Variants in SGCZ observed in about 807,000 individuals in gnomAD.
SGCZ encodes the protein sarcoglycan zeta.
Under a neutral mutation model 41.3 loss-of-function variants are expected in SGCZ, and 40 were observed. The ratio of observed to expected loss-of-function variants is 0.97; its 90% CI spans 0.75 to 1.26. The LOEUF (loss-of-function observed/expected upper bound fraction) is 1.26. Ranked by LOEUF, SGCZ falls within the 50% of genes most tolerant of loss-of-function variation. The probability of loss-of-function intolerance (pLI) is 0.00; values close to 1 mark genes in which losing one functional copy is unlikely to be tolerated. For synonymous variants in SGCZ, 206 were observed against 137.5 expected (o/e 1.50, Z -3.49); for missense variants, 552 against 369.8 (o/e 1.49, Z -4.04).
At chr8:14,394,134 G>GCCCC (rs142651514) in intron 2 of SGCZ, among the ~76,000 whole-genome samples, 5,826 of 128,678 alleles carry the variant, frequency 0.045, 407 homozygotes, top group African/African-American at 0.18. Flanking sequence ...CTGCCCTACC[G>GCCCC]CCCCCCACCT....
chr8:14,928,106 C>T lies in SGCZ; in HGVS notation c.39+309479G>A, dbSNP rs534301522. On this transcript the variant is annotated intron_variant, in intron 1 of 7. Transcript: ENST00000382080. ...CCTAACTGGCTTGTCACTCTGCCAT[C>T]CATGCTGTGTGAAAATATTTATCAA... is the stretch of plus-strand genomic sequence containing the variant. Among the ~76,000 whole-genome samples the T allele has an allele frequency of 3.3e-5, 5 of 152,240 alleles. No individual in the cohort carries two copies. The East Asian group carries it at 9.6e-4, about 29-fold the overall frequency.
At chr8:14,822,097 C>A (rs1013984270) in intron 1 of SGCZ, among the ~76,000 whole-genome samples, 1 of 151,872 alleles carries the variant, frequency 6.6e-6, no homozygotes, top group Non-Finnish European at 1.5e-5. Flanking sequence ...CACACACACA[C>A]ACACACACAC....
At chr8:14,470,228 T>C (rs1393118597) in intron 2 of SGCZ, among the ~76,000 whole-genome samples, 4 of 152,124 alleles carry the variant, frequency 2.6e-5, no homozygotes, top group Non-Finnish European at 5.9e-5. Flanking sequence ...TGCTAATTTT[T>C]GTGTAAGAAA....
At chr8:15,211,023 A>G (rs1038524024) in intron 1 of SGCZ, among the ~76,000 whole-genome samples, 1 of 97,662 alleles carries the variant, frequency 1.0e-5, no homozygotes, top group African/African-American at 3.2e-5. Context: ...ATATATAGAT[A>G]TATACATATA....
chr8:14,346,107 C>T (rs888455450), intron 2 of SGCZ, among the ~76,000 whole-genome samples: 1 of 151,918 alleles, frequency 6.6e-6, no homozygotes, highest in Non-Finnish European at 1.5e-5. Flanking sequence ...ATGTCAATAT[C>T]GGCTCTGTTA....
In SGCZ at chr8:15,140,581, A is replaced by C. The variant is rs535042461; in HGVS notation, c.39+97004T>G. Among the ~76,000 whole-genome samples, 4 of 152,270 alleles carry C rather than the reference A, an allele frequency of 2.6e-5. No homozygotes were observed. In the East Asian group the frequency reaches 7.7e-4, roughly 29 times the overall value. On this transcript the variant is annotated intron_variant, in intron 1 of 7. Transcript: ENST00000382080. ...AATAGTAATAATAATAATACCAACA[A>C]AAACCAAAAATGACCCATATTATTT... is the stretch of plus-strand genomic sequence containing the variant.
chr8:14,883,338 G>C (rs1804665188), intron 1 of SGCZ, among the ~76,000 whole-genome samples: 1 of 151,834 alleles, frequency 6.6e-6, no homozygotes, highest in Admixed American at 6.6e-5. Context: ...AAGACTGTTT[G>C]GTGTTACTCC....
chr8:14,649,166 C>G (rs903613987), intron 1 of SGCZ, among the ~76,000 whole-genome samples: 1 of 152,108 alleles, frequency 6.6e-6, no homozygotes, highest in African/African-American at 2.4e-5. Flanking sequence ...TTTCCAAGAA[C>G]TGAGAAGGAA....
intron 5 of SGCZ, among the ~76,000 whole-genome samples, chr8:14,118,607 T>G (rs1290133529): frequency 6.6e-6 from 1 of 152,202 alleles, no homozygotes; most frequent in Non-Finnish European, 1.5e-5. Context: ...TGCCATTGCT[T>G]TTGGTGTTTT....
At chr8:14,475,978 T>C (rs1201245482) in intron 2 of SGCZ, among the ~76,000 whole-genome samples, 1 of 138,992 alleles carries the variant, frequency 7.2e-6, no homozygotes, top group African/African-American at 2.9e-5. Flanking sequence ...TGCCTAGCTA[T>C]TTTTTTTTTT....
At chr8:14,522,584 T>C (rs1802822914) in intron 2 of SGCZ, among the ~76,000 whole-genome samples, 1 of 151,928 alleles carries the variant, frequency 6.6e-6, no homozygotes, top group African/African-American at 2.4e-5. Flanking sequence ...TCATTCCTTA[T>C]ATTGGAAACT....
chr8:14,969,383 TAAAC>T (rs1391363537), intron 1 of SGCZ, among the ~76,000 whole-genome samples: 1 of 152,116 alleles, frequency 6.6e-6, no homozygotes, highest in Admixed American at 6.6e-5. Context: ...GTAATTGATA[TAAAC>T]AAACAGCACA....
intron 2 of SGCZ, among the ~76,000 whole-genome samples, chr8:14,422,270 C>G (rs1212193389): frequency 6.6e-6 from 1 of 152,056 alleles, no homozygotes; most frequent in South Asian, 2.1e-4. Flanking sequence ...TAACTAACAG[C>G]AATACAAGGA....
chr8:14,203,550 T>C, intron 4 of SGCZ, among the ~76,000 whole-genome samples: 1 of 152,318 alleles, frequency 6.6e-6, no homozygotes, highest in South Asian at 2.1e-4. Context: ...ATTTCATCTT[T>C]TATATAATTT....
At chr8:14,975,318 A>G (rs1358680047) in intron 1 of SGCZ, among the ~76,000 whole-genome samples, 3 of 152,164 alleles carry the variant, frequency 2.0e-5, no homozygotes, top group Non-Finnish European at 4.4e-5. Flanking sequence ...AAGCAAAAAC[A>G]AAAACAAAAA....
At chr8:15,134,302 G>GAC (rs1224135523) in intron 1 of SGCZ, among the ~76,000 whole-genome samples, 1 of 94,718 alleles carries the variant, frequency 1.1e-5, no homozygotes, top group African/African-American at 3.0e-5. Flanking sequence ...GGAGCATTAG[G>GAC]TCTTTTTTTT....
At chr8:14,885,430 G>A (rs1041540831) in intron 1 of SGCZ, among the ~76,000 whole-genome samples, 5 of 152,060 alleles carry the variant, frequency 3.3e-5, no homozygotes, top group African/African-American at 7.2e-5. Flanking sequence ...ATCAATACAT[G>A]CTGCTATGCA....
intron 2 of SGCZ, among the ~76,000 whole-genome samples, chr8:14,489,182 A>G (rs1290144149): frequency 6.6e-6 from 1 of 152,090 alleles, no homozygotes; most frequent in African/African-American, 2.4e-5. Context: ...AATTAGTTTA[A>G]CAAGGCTGTT....
intron 1 of SGCZ, among the ~76,000 whole-genome samples, chr8:14,591,430 A>G (rs887246051): frequency 6.6e-6 from 1 of 152,050 alleles, no homozygotes; most frequent in Admixed American, 6.6e-5. Context: ...AGATTTGCTA[A>G]TAGTTGAGTT....
Sources: gnomAD v4.1 joint callset for allele counts (sites outside exome capture counted in the v4.1 genomes callset) on GRCh38, gnomAD v4.1.1 for gene constraint, MANE v1.5 for transcripts, NCBI Gene and HGNC (gene_info 2026-07-23, HGNC 2026-07-21) for gene names.